The following EML5 variants were observed in gnomAD, a reference collection of about 807,000 sequenced individuals.
EML5 encodes echinoderm microtubule-associated protein-like 5.
EML5 carries 120 observed loss-of-function variants against 250.0 expected under a neutral mutation model. The ratio of observed to expected loss-of-function variants is 0.48; its 90% CI spans 0.41 to 0.56. EML5 has a LOEUF of 0.56. Ranked by LOEUF, EML5 falls within the 20% of genes least tolerant of loss-of-function variation. The pLI is 0.00. For missense variants in EML5, 2,006 were observed against 2,437.6 expected, an observed-to-expected ratio of 0.82 and a Z score of 3.73; for synonymous variants, 771 against 806.5, an observed-to-expected ratio of 0.96 and a Z score of 0.75.
At chr14:88,696,179 A>G (rs1458507343) in intron 15 of EML5, among the ~76,000 whole-genome samples, 1 of 151,462 alleles carries the variant, frequency 6.6e-6, no homozygotes, top group East Asian at 1.9e-4. Flanking sequence ...ATATATATAT[A>G]TATATATTTC....
chr14:88,773,523 T>C (rs563711904), intron 1 of EML5, among the ~76,000 whole-genome samples: 1 of 152,288 alleles, frequency 6.6e-6, no homozygotes, highest in Admixed American at 6.5e-5. Context: ...GGTTGACTCC[T>C]AGGCCAGCAC....
rs376771776 is a variant in EML5 at position 88,773,375 on chromosome 14, A to G, written c.198-18704T>C. 3.1e-4 allele frequency among the ~76,000 whole-genome samples: 47 copies of G among 152,344 alleles called. No individual in the cohort carries two copies. The East Asian group carries it at 4.1e-3, about 13-fold the overall frequency. On this transcript the variant is annotated intron_variant, in intron 1 of 43. Coordinates refer to ENST00000554922, the MANE Select transcript of EML5 (RefSeq NM_183387.3). ...AAACTTTGCTTGGTAATAAATCTCC[A>G]AACAGGGAATATCCAGCGTGGGAGG...
chr14:88,760,817 T>C (rs1486567362), intron 1 of EML5, among the ~76,000 whole-genome samples: 1 of 152,136 alleles, frequency 6.6e-6, no homozygotes, highest in Non-Finnish European at 1.5e-5. Context: ...ATTTTTCAGG[T>C]ATTCTTTGTT....
At chr14:88,713,666 G>C (rs564325237) in intron 9 of EML5, among the ~76,000 whole-genome samples, 1 of 146,208 alleles carries the variant, frequency 6.8e-6, no homozygotes, top group South Asian at 2.2e-4. Context: ...CATGTTCCCT[G>C]GCTGTTCTCA....
chr14:88,676,043 C>A (rs1383129723), intron 21 of EML5, among the ~76,000 whole-genome samples: 2 of 152,320 alleles, frequency 1.3e-5, no homozygotes, highest in Non-Finnish European at 2.9e-5. Flanking sequence ...TTCTACAAGT[C>A]TCTAAGAAGT....
chr14:88,757,772 CT>C (rs1458405562), intron 1 of EML5, among the ~76,000 whole-genome samples: 3 of 151,954 alleles, frequency 2.0e-5, no homozygotes, highest in African/African-American at 7.2e-5. Context: ...TATACCATTT[CT>C]TTTTTTCTTT....
At chr14:88,618,066 TA>T (rs1410507179) in intron 41 of EML5, 161 bp downstream of exon 41, 4 of 445,186 alleles carry the variant, frequency 9.0e-6, no homozygotes, top group African/African-American at 2.0e-5. Flanking sequence ...ATATATTCAA[TA>T]AAAAGGGGTC....
At chr14:88,668,773 C>T (rs1217285601) in intron 21 of EML5, among the ~76,000 whole-genome samples, 1 of 152,044 alleles carries the variant, frequency 6.6e-6, no homozygotes, top group Non-Finnish European at 1.5e-5. Context: ...AGTAAGTATC[C>T]TTTAAAATTC....
intron 1 of EML5, among the ~76,000 whole-genome samples, chr14:88,781,745 T>C (rs1172181644): frequency 6.6e-6 from 1 of 152,266 alleles, no homozygotes; most frequent in African/African-American, 2.4e-5. Flanking sequence ...TTGTCCTTGC[T>C]GCCACCATGT....
At chr14:88,754,734 T>C in intron 1 of EML5, 63 bp from the exon 2 acceptor site, 1 of 1,385,728 alleles carries the variant, frequency 7.2e-7, no homozygotes, top group Admixed American at 2.1e-5. Context: ...TTTTATAGTA[T>C]TTGGTAGATG....
chr14:88,620,000 T>C (rs1053425388), intron 39 of EML5: 2 of 152,244 alleles, frequency 1.3e-5, no homozygotes, highest in African/African-American at 4.8e-5. Flanking sequence ...TGAAATGCTA[T>C]TTGCCTAGCA....
chr14:88,740,308 C>T, intron 5 of EML5, 79 bp downstream of exon 5: 1 of 1,173,834 alleles, frequency 8.5e-7, no homozygotes, highest in East Asian at 2.5e-5. Flanking sequence ...AAACAATATA[C>T]TATATTACGC....
At chr14:88,704,758 A>G (rs2093283944) in intron 13 of EML5, 102 bp downstream of exon 13, 3 of 784,716 alleles carry the variant, frequency 3.8e-6, no homozygotes, top group Non-Finnish European at 6.1e-6. Flanking sequence ...CCTTTCGGAT[A>G]TGTCATTTCA....
chr14:88,648,525 T>A (rs1461680671), intron 28 of EML5, among the ~76,000 whole-genome samples: 1 of 152,076 alleles, frequency 6.6e-6, no homozygotes, highest in African/African-American at 2.4e-5. Context: ...TGCTAATTTT[T>A]AAAATTTTTT....
intron 21 of EML5, among the ~76,000 whole-genome samples, chr14:88,670,252 G>A (rs2092422975): frequency 6.6e-6 from 1 of 150,400 alleles, no homozygotes; most frequent in Admixed American, 6.6e-5. Context: ...CCCAGGAAGT[G>A]GAGGTTGCAG....
At position 88,704,989 on chromosome 14, in the gene EML5, G is replaced by A; in HGVS notation, c.1933-11C>T. On this transcript the variant is annotated splice_polypyrimidine_tract_variant and intron_variant, in intron 12 of 43. Coordinates refer to ENST00000554922, the MANE Select transcript of EML5 (RefSeq NM_183387.3). ...ATCTTCTTTGTAAACCTTTAAAAAT[G>A]TATACAAGTAGAAATATTCTTAGAA... is the stretch of plus-strand genomic sequence containing the variant. The A allele has an allele frequency of 6.5e-7, 1 of 1,546,176 alleles. No individual in the cohort carries two copies. Among genetic ancestry groups the A allele is most frequent in the East Asian group, 2.3e-5 (1 of 44,426 alleles).
chr14:88,663,213 A>G, intron 23 of EML5, 94 bp from the exon 24 acceptor site: 2 of 822,164 alleles, frequency 2.4e-6, no homozygotes, highest in East Asian at 6.3e-5. Context: ...GGAAAAAATC[A>G]GCTTAAATAT....
chr14:88,648,832 T>C (rs1259597011), intron 28 of EML5, among the ~76,000 whole-genome samples: 1 of 152,044 alleles, frequency 6.6e-6, no homozygotes, highest in Non-Finnish European at 1.5e-5. Context: ...AGTATAAGAT[T>C]TTATGGCCCA....
intron 28 of EML5, among the ~76,000 whole-genome samples, chr14:88,648,512 C>T (rs1183771630): frequency 1.3e-5 from 2 of 152,068 alleles, no homozygotes; most frequent in African/African-American, 4.8e-5. Flanking sequence ...CACCACCACA[C>T]CCTGCTAATT....
Sources: gnomAD v4.1 joint callset for allele counts (sites outside exome capture counted in the v4.1 genomes callset) on GRCh38, gnomAD v4.1.1 for gene constraint, MANE v1.5 for transcripts, NCBI Gene and HGNC (gene_info 2026-07-23, HGNC 2026-07-21) for gene names.